Variants in LARP1B observed in about 807,000 individuals in gnomAD.
LARP1B encodes the protein la-related protein 1B.
Under a neutral mutation model 114.2 loss-of-function variants are expected in LARP1B, and 76 were observed. That is an observed-to-expected ratio of 0.67 (90% confidence interval 0.55 to 0.81). The LOEUF (loss-of-function observed/expected upper bound fraction) is 0.81, where lower values mean the gene tolerates loss of function less well. Ranked by LOEUF, LARP1B falls within the 30% of genes least tolerant of loss-of-function variation. The pLI is 0.00. For missense variants in LARP1B, 1,014 were observed against 1,075.8 expected (o/e 0.94, Z 0.80); for synonymous variants, 345 against 348.0 (o/e 0.99, Z 0.10).
At chr4:128,061,074 G>A (rs893130943), upstream of LARP1B, among the ~76,000 whole-genome samples, 3 of 152,038 alleles carry the variant, frequency 2.0e-5, no homozygotes, top group Non-Finnish European at 2.9e-5. Context: ...GCCTGCAGTC[G>A]GGGCGGCCTC....
At chr4:128,193,410 G>C (rs1752929859) in intron 15 of LARP1B, among the ~76,000 whole-genome samples, 1 of 152,004 alleles carries the variant, frequency 6.6e-6, no homozygotes, top group Non-Finnish European at 1.5e-5. Context: ...AAAGTATCCT[G>C]CTCTGGTTCT....
chr4:128,193,771 C>T (rs1037383238), intron 15 of LARP1B, among the ~76,000 whole-genome samples: 1 of 151,876 alleles, frequency 6.6e-6, no homozygotes, highest in African/African-American at 2.4e-5. Flanking sequence ...TGCAAGCCAC[C>T]ACGCCCAGCT....
At chr4:128,060,966 T>C (rs927017574), upstream of LARP1B, among the ~76,000 whole-genome samples, 4 of 152,078 alleles carry the variant, frequency 2.6e-5, no homozygotes, top group East Asian at 3.9e-4. Flanking sequence ...CCCAGCGCCA[T>C]GTGCGCGGCC....
chr4:128,145,615 C>T (rs1730003568), intron 11 of LARP1B, among the ~76,000 whole-genome samples: 2 of 152,168 alleles, frequency 1.3e-5, no homozygotes, highest in South Asian at 2.1e-4. Flanking sequence ...TCCACTGCTT[C>T]AACTGTACTA....
intron 7 of LARP1B, among the ~76,000 whole-genome samples, chr4:128,092,254 C>G (rs1422742692): frequency 6.6e-6 from 1 of 152,056 alleles, no homozygotes; most frequent in East Asian, 1.9e-4. Context: ...TTCTTCTTAG[C>G]AATTGACTTC....
At chr4:128,121,467 C>T (rs1787963336) in intron 10 of LARP1B, among the ~76,000 whole-genome samples, 2 of 152,238 alleles carry the variant, frequency 1.3e-5, no homozygotes, top group Non-Finnish European at 2.9e-5. Context: ...ATACAGCAAT[C>T]CACAACCAGA....
chr4:128,102,716 T>C (rs979513542), intron 8 of LARP1B, among the ~76,000 whole-genome samples: 8 of 151,932 alleles, frequency 5.3e-5, no homozygotes, highest in African/African-American at 1.2e-4. Flanking sequence ...CAAATTGATC[T>C]TGGTTCTATA....
At chr4:128,092,932 A>C (rs1776402316) in intron 7 of LARP1B, 1 of 985,334 alleles carries the variant, frequency 1.0e-6, no homozygotes, top group Non-Finnish European at 1.2e-6. Context: ...ATGTCAGGAT[A>C]ATCGGCCTCC....
chr4:128,108,745 T>C (rs913836297), intron 9 of LARP1B: 1 of 985,314 alleles, frequency 1.0e-6, no homozygotes. Flanking sequence ...ATGATAGTTT[T>C]AGCTAGCTTA....
chr4:128,133,855 C>G (rs957849932), intron 11 of LARP1B, among the ~76,000 whole-genome samples: 12 of 152,048 alleles, frequency 7.9e-5, no homozygotes, highest in African/African-American at 2.9e-4. Context: ...CACCACCATG[C>G]CCGACCATTG....
Position 128,210,814 on chromosome 4 carries a change from A to G in LARP1B, c.*761A>G. On this transcript the variant is annotated 3_prime_UTR_variant, in exon 20 of 20. Coordinates refer to ENST00000326639, the MANE Select transcript of LARP1B (RefSeq NM_018078.4). ...ATTAGAGGTTTATTTTTATGATTCTATATAAACGTGCACGAGTAATTTAAA... is the reference window on the plus strand; with the variant it reads ...ATTAGAGGTTTATTTTTATGATTCTGTATAAACGTGCACGAGTAATTTAAA... The G allele has an allele frequency of 6.1e-6, 6 of 983,892 alleles. No homozygotes were observed. The highest frequency in any genetic ancestry group is 7.2e-6 in the Non-Finnish European group (6 of 828,614). 60.9% of individuals were successfully genotyped at this position (983,892 alleles called of 1,614,324 possible). A position where few individuals can be genotyped will look rare whatever the true frequency, so the allele number is the denominator to read the frequency against.
chr4:128,073,071 C>A (rs1006630874), intron 1 of LARP1B, among the ~76,000 whole-genome samples: 2 of 152,026 alleles, frequency 1.3e-5, no homozygotes, highest in South Asian at 4.1e-4. Context: ...AAATGGAATT[C>A]TTTTATTAAA....
chr4:128,098,133 A>G, intron 7 of LARP1B, 53 bp from the exon 8 acceptor site: 1 of 1,401,882 alleles, frequency 7.1e-7, no homozygotes, highest in South Asian at 1.2e-5. Flanking sequence ...GGAGCAATAG[A>G]AATATTTATT....
chr4:128,141,540 G>A (rs1728095185), intron 11 of LARP1B, among the ~76,000 whole-genome samples: 1 of 152,104 alleles, frequency 6.6e-6, no homozygotes, highest in Non-Finnish European at 1.5e-5. Context: ...TAATCTCATC[G>A]TTAGGCTCAT....
chr4:128,071,756 C>A (rs191710051), intron 1 of LARP1B, among the ~76,000 whole-genome samples: 2 of 147,220 alleles, frequency 1.4e-5, no homozygotes, highest in Non-Finnish European at 3.0e-5. Flanking sequence ...TAATTTTTAC[C>A]ACATTTTCCC....
intron 15 of LARP1B, among the ~76,000 whole-genome samples, chr4:128,188,076 A>ATT (rs111868788): frequency 6.3e-4 from 90 of 142,168 alleles, no homozygotes; most frequent in Middle Eastern, 3.6e-3. Flanking sequence ...AGTCTCGGGT[A>ATT]TTTTTTTTTT....
chr4:128,064,690 T>C (rs1431690838), intron 1 of LARP1B, among the ~76,000 whole-genome samples: 1 of 152,180 alleles, frequency 6.6e-6, no homozygotes, highest in East Asian at 1.9e-4. Context: ...ATTAAGTGAA[T>C]TACCAAGTAG....
At chr4:128,109,867 T>C (rs1042357032) in intron 9 of LARP1B, among the ~76,000 whole-genome samples, 1 of 151,852 alleles carries the variant, frequency 6.6e-6, no homozygotes, top group Admixed American at 6.6e-5. Flanking sequence ...AGAGATGAAA[T>C]GTATATGGTG....
chr4:128,151,379 T>G (rs1288177135), intron 11 of LARP1B, among the ~76,000 whole-genome samples: 1 of 152,208 alleles, frequency 6.6e-6, no homozygotes, highest in Non-Finnish European at 1.5e-5. Flanking sequence ...TTGTCTCAGT[T>G]GTCCTTTATA....
Sources: gnomAD v4.1 joint callset for allele counts (sites outside exome capture counted in the v4.1 genomes callset) on GRCh38, gnomAD v4.1.1 for gene constraint, MANE v1.5 for transcripts, NCBI Gene and HGNC (gene_info 2026-07-23, HGNC 2026-07-21) for gene names.